Variants in SMIM31 observed in about 807,000 individuals in gnomAD.
The protein encoded by SMIM31 is small integral membrane protein 31.
chr4:164,769,778 A>G (rs1013360794), intron 1 of SMIM31, among the ~76,000 whole-genome samples: 4 of 151,976 alleles, frequency 2.6e-5, no homozygotes, highest in Non-Finnish European at 5.9e-5. Flanking sequence ...ATCAATCCAC[A>G]TAATGCTTTT....
chr4:164,771,645 CA>C (rs796468826), intron 2 of SMIM31, among the ~76,000 whole-genome samples: 3,377 of 133,972 alleles, frequency 0.025, 101 homozygotes, highest in African/African-American at 0.079. Context: ...ACTAAAAATA[CA>C]AAAAAAAAAA....
intron 1 of SMIM31, among the ~76,000 whole-genome samples, chr4:164,755,644 T>C (rs560025329): frequency 1.3e-4 from 20 of 149,840 alleles, no homozygotes; most frequent in Admixed American, 1.0e-3. Context: ...TGAGCTGAAG[T>C]ATTATGGGAT....
At chr4:164,758,107 C>T (rs1732590983) in intron 1 of SMIM31, among the ~76,000 whole-genome samples, 1 of 151,904 alleles carries the variant, frequency 6.6e-6, no homozygotes, top group African/African-American at 2.4e-5. Context: ...TATATATCTT[C>T]TCTATTTTTG....
chr4:164,791,515 G>T (rs1197637881), intron 2 of SMIM31, among the ~76,000 whole-genome samples: 2 of 151,960 alleles, frequency 1.3e-5, no homozygotes, highest in African/African-American at 2.4e-5. Flanking sequence ...GTAATTTTTA[G>T]GTGGAGATGG....
chr4:164,780,287 C>A (rs898577888), intron 2 of SMIM31, among the ~76,000 whole-genome samples: 1 of 152,088 alleles, frequency 6.6e-6, no homozygotes, highest in African/African-American at 2.4e-5. Flanking sequence ...ATTAGCCAGG[C>A]GTGGTGGCGC....
chr4:164,775,884 G>A (rs7693530), intron 2 of SMIM31, among the ~76,000 whole-genome samples: 2,034 of 152,232 alleles, frequency 0.013, 49 homozygotes, highest in African/African-American at 0.046. Flanking sequence ...GTGTGCAGCT[G>A]AAAGGAAAGT....
intron 2 of SMIM31, among the ~76,000 whole-genome samples, chr4:164,787,915 T>G (rs1409941223): frequency 6.6e-6 from 1 of 152,210 alleles, no homozygotes; most frequent in Non-Finnish European, 1.5e-5. Context: ...TATATATAGA[T>G]GTACTAATAC....
intron 1 of SMIM31, among the ~76,000 whole-genome samples, chr4:164,761,922 CAAATAAATAAATAAAT>C (rs200368340): frequency 1.5e-4 from 22 of 146,688 alleles, no homozygotes; most frequent in East Asian, 2.1e-4. Context: ...GACTCCACCT[CAAATAAATAAATAAAT>C]AAATAAATAA....
intron 2 of SMIM31, among the ~76,000 whole-genome samples, chr4:164,799,735 C>T (rs928389931): frequency 5.3e-5 from 8 of 152,178 alleles, no homozygotes; most frequent in Non-Finnish European, 1.2e-4. Flanking sequence ...CAAGTTGACA[C>T]AAAAAATTAA....
At chr4:164,771,540 G>A (rs956775939) in intron 2 of SMIM31, among the ~76,000 whole-genome samples, 16 of 152,010 alleles carry the variant, frequency 1.1e-4, no homozygotes, top group Admixed American at 3.3e-4. Context: ...GGTGACTCAC[G>A]CCTATAATCC....
intron 2 of SMIM31, among the ~76,000 whole-genome samples, chr4:164,793,177 A>G (rs1459962992): frequency 6.6e-6 from 1 of 152,180 alleles, no homozygotes; most frequent in Non-Finnish European, 1.5e-5. Flanking sequence ...TCATGAATAT[A>G]AACATGGACA....
intron 2 of SMIM31, among the ~76,000 whole-genome samples, chr4:164,797,586 C>T (rs963078505): frequency 9.2e-5 from 14 of 151,598 alleles, no homozygotes; most frequent in African/African-American, 3.4e-4. Context: ...GCCTCAGCCT[C>T]CTGAGTGGCT....
At chr4:164,758,830 T>TA (rs1732606779) in intron 1 of SMIM31, among the ~76,000 whole-genome samples, 1 of 106,050 alleles carries the variant, frequency 9.4e-6, no homozygotes, top group African/African-American at 3.8e-5. Flanking sequence ...TTTTTTTTTT[T>TA]TTTTTTTTTT....
At chr4:164,755,539 A>AGGAAG (rs1560821435) in intron 1 of SMIM31, among the ~76,000 whole-genome samples, 784 of 11,434 alleles carry the variant, frequency 0.069, 86 homozygotes, top group South Asian at 0.09. Context: ...GGGAGAGGAG[A>AGGAAG]GGAGGGGAGG....
chr4:164,792,152 T>C (rs537847815), intron 2 of SMIM31, among the ~76,000 whole-genome samples: 1 of 152,368 alleles, frequency 6.6e-6, no homozygotes, highest in Non-Finnish European at 1.5e-5. Flanking sequence ...TCTGCATTGT[T>C]TCAGAATGCT....
chr4:164,775,589 G>A (rs1256328123), intron 2 of SMIM31, among the ~76,000 whole-genome samples: 1 of 152,156 alleles, frequency 6.6e-6, no homozygotes, highest in Non-Finnish European at 1.5e-5. Flanking sequence ...TCTCCCTATA[G>A]TAATAGCTTG....
intron 1 of SMIM31, among the ~76,000 whole-genome samples, chr4:164,763,219 T>C (rs1254387097): frequency 6.6e-6 from 1 of 152,184 alleles, no homozygotes; most frequent in Non-Finnish European, 1.5e-5. Context: ...TAAATGAGAA[T>C]ATCAAAATAA....
intron 2 of SMIM31, among the ~76,000 whole-genome samples, chr4:164,800,672 C>G (rs1328762377): frequency 6.6e-6 from 1 of 152,136 alleles, no homozygotes; most frequent in East Asian, 1.9e-4. Context: ...ACAGTGGCCT[C>G]CCAAAATCTA....
At chr4:164,777,255 A>G (rs1319718751) in intron 2 of SMIM31, among the ~76,000 whole-genome samples, 1 of 152,248 alleles carries the variant, frequency 6.6e-6, no homozygotes, top group Non-Finnish European at 1.5e-5. Flanking sequence ...GCATGCCCTC[A>G]GGGCAGAAGA....
Sources: gnomAD v4.1 joint callset for allele counts (sites outside exome capture counted in the v4.1 genomes callset) on GRCh38, gnomAD v4.1.1 for gene constraint, MANE v1.5 for transcripts, NCBI Gene and HGNC (gene_info 2026-07-23, HGNC 2026-07-21) for gene names.